The following IFT80 variants were observed in gnomAD, a reference collection of about 807,000 sequenced individuals.
The protein encoded by IFT80 is intraflagellar transport 80.
A neutral mutation model predicts 107.9 loss-of-function variants in IFT80; 79 were observed. The ratio of observed to expected loss-of-function variants is 0.73; its 90% confidence interval spans 0.61 to 0.88. The LOEUF is 0.88. Ranked by LOEUF, IFT80 falls within the 40% of genes least tolerant of loss-of-function variation. The probability of loss-of-function intolerance (pLI) is 0.00; values close to 1 mark genes in which losing one functional copy is unlikely to be tolerated. For synonymous variants in IFT80, 299 were observed against 300.9 expected, an observed-to-expected ratio of 0.99 and a Z score of 0.07; for missense variants, 797 against 914.2, an observed-to-expected ratio of 0.87 and a Z score of 1.65.
At chr3:160,342,447 A>T (rs1263851047) in intron 8 of IFT80, among the ~76,000 whole-genome samples, 1 of 152,202 alleles carries the variant, frequency 6.6e-6, no homozygotes, top group Non-Finnish European at 1.5e-5. Flanking sequence ...TATTCTGTCA[A>T]ATTGCTTAGG....
chr3:160,258,469 T>C lies in IFT80; in HGVS notation c.*56A>G. On this transcript the variant is annotated 3_prime_UTR_variant, in exon 20 of 20. Transcript: ENST00000326448. ...TTTAGCAACCAAAACATGCTTACCC[T>C]TGGTTAATCAGAACGTGTTTCAAAA... 6.2e-7 allele frequency: 1 copy of C among 1,610,000 alleles called. No individual in the cohort carries two copies. The highest frequency in any genetic ancestry group is 8.5e-7 in the Non-Finnish European group (1 of 1,178,284).
chr3:160,306,914 T>C (rs1716869786), intron 10 of IFT80, among the ~76,000 whole-genome samples: 1 of 152,224 alleles, frequency 6.6e-6, no homozygotes, highest in Non-Finnish European at 1.5e-5. Context: ...CAGTGGTGAA[T>C]GAGACACATA....
rs191590170 is a variant in IFT80 at position 160,372,272 on chromosome 3, T to A, written c.439+3540A>T. On this transcript the variant is annotated intron_variant, in intron 5 of 19. Coordinates refer to ENST00000326448, the MANE Select transcript of IFT80 (RefSeq NM_020800.3). ...ATTATTTCATTTTTGTGTCAAAATT[T>A]AGTTTCTCCCTTCAAAGGAGGCAGT... Among the ~76,000 whole-genome samples, 308 of 152,346 alleles carry A rather than the reference T, an allele frequency of 2.0e-3. 3 individuals carry two copies. The highest frequency in any genetic ancestry group is 2.8e-3 in the Non-Finnish European group (193 of 68,026).
chr3:160,323,646 T>C, intron 8 of IFT80, among the ~76,000 whole-genome samples: 1 of 151,940 alleles, frequency 6.6e-6, no homozygotes, highest in East Asian at 1.9e-4. Context: ...GAGGGAAATT[T>C]ATAGCACTAA....
rs113490599 is a variant in IFT80 at position 160,347,629 on chromosome 3, C to G, written c.777+8384G>C. On this transcript the variant is annotated intron_variant, in intron 8 of 19. Transcript: ENST00000326448. The stretch of plus-strand genomic sequence containing the variant: ...AGCCATACATTCAAAGACATGGGTA[C>G]ACAATTTTACTTACGTGAGATCATA... Among the ~76,000 whole-genome samples the G allele has an allele frequency of 1.7e-3, 261 of 152,282 alleles. 1 individual carries two copies. Among genetic ancestry groups the G allele is most frequent in the African/African-American group, 5.8e-3 (241 of 41,564 alleles).
chr3:160,362,711 A>G (rs1721583228), intron 6 of IFT80, among the ~76,000 whole-genome samples: 1 of 151,996 alleles, frequency 6.6e-6, no homozygotes, highest in Non-Finnish European at 1.5e-5. Context: ...CAAGGGATTC[A>G]ACATACGCAA....
chr3:160,364,623 CT>C (rs1721733532), intron 6 of IFT80, among the ~76,000 whole-genome samples: 2 of 152,106 alleles, frequency 1.3e-5, no homozygotes, highest in African/African-American at 4.8e-5. Flanking sequence ...CAGTGATGGA[CT>C]GGATTAAGAA....
At chr3:160,350,482 G>A (rs1399510308) in intron 8 of IFT80, among the ~76,000 whole-genome samples, 2 of 149,954 alleles carry the variant, frequency 1.3e-5, no homozygotes, top group Non-Finnish European at 3.0e-5. Context: ...AATGCTCATA[G>A]CATTTATATC....
At chr3:160,270,673 G>A (rs746688479) in intron 18 of IFT80, among the ~76,000 whole-genome samples, 9 of 152,172 alleles carry the variant, frequency 5.9e-5, no homozygotes, top group African/African-American at 1.4e-4. Flanking sequence ...AGCAATTCAC[G>A]GAGGCTCAAA....
chr3:160,269,523 ATATTT>A (rs747103691), intron 18 of IFT80, among the ~76,000 whole-genome samples: 6 of 152,210 alleles, frequency 3.9e-5, no homozygotes, highest in African/African-American at 7.2e-5. Flanking sequence ...TTTTAAAGTA[ATATTT>A]TATTTAAATG....
At chr3:160,293,430 A>G (rs573060244) in intron 12 of IFT80, among the ~76,000 whole-genome samples, 1 of 152,254 alleles carries the variant, frequency 6.6e-6, no homozygotes, top group African/African-American at 2.4e-5. Flanking sequence ...TATAATACTG[A>G]TAGTACTGGG....
At chr3:160,272,261 CAG>C (rs891236365) in intron 18 of IFT80, among the ~76,000 whole-genome samples, 3 of 151,902 alleles carry the variant, frequency 2.0e-5, no homozygotes, top group African/African-American at 7.3e-5. Context: ...ATGAGTGAAA[CAG>C]AGAAATAAGA....
chr3:160,375,726 G>A (rs185170342), intron 5 of IFT80, 86 bp downstream of exon 5: 216 of 857,256 alleles, frequency 2.5e-4, no homozygotes, highest in East Asian at 7.8e-4. Context: ...CTCAACCACC[G>A]TATTAGATTG....
chr3:160,381,455 A>G (rs1712511734), intron 3 of IFT80, 48 bp downstream of exon 3: 1 of 1,348,444 alleles, frequency 7.4e-7, no homozygotes, highest in South Asian at 1.2e-5. Context: ...CATACTATTA[A>G]GTCTTTTAAA....
At chr3:160,386,784 T>A (rs563585113) in intron 1 of IFT80, among the ~76,000 whole-genome samples, 9 of 152,306 alleles carry the variant, frequency 5.9e-5, no homozygotes, top group African/African-American at 1.2e-4. Flanking sequence ...GTAATTCTTT[T>A]AAAGCTAAGT....
chr3:160,309,101 A>G (rs966303985), intron 9 of IFT80, among the ~76,000 whole-genome samples: 1 of 152,218 alleles, frequency 6.6e-6, no homozygotes, highest in African/African-American at 2.4e-5. Context: ...AACAGAATAA[A>G]CAGGTATGTT....
intron 8 of IFT80, among the ~76,000 whole-genome samples, chr3:160,341,283 A>G (rs545041477): frequency 2.0e-5 from 3 of 152,006 alleles, no homozygotes; most frequent in East Asian, 3.9e-4. Flanking sequence ...AAGTCTTACC[A>G]CTTTTTAAAC....
At position 160,315,349 on chromosome 3, in the gene IFT80, C is replaced by T. The variant is rs968630590; in HGVS notation, c.957+4411G>A. The stretch of plus-strand genomic sequence containing the variant: ...TTTCTCCCATACCTGTGAAGATAAG[C>T]TGTTAATTTACATTGTTAGGGTGAA... On this transcript the variant is annotated intron_variant, in intron 9 of 19. Transcript: ENST00000326448. Among the ~76,000 whole-genome samples the T allele has an allele frequency of 5.3e-5, 8 of 152,240 alleles. No homozygotes were observed. In the East Asian group the frequency reaches 1.5e-3, roughly 29 times the overall value.
rs1445699892 is a variant in IFT80 at position 160,258,519 on chromosome 3, T to C, written c.*6A>G. ...AGATAAAATTTCTTAAAGATACGCA[T>C]GGCATTTAGGGCTTTAAACCTATAC... On this transcript the variant is annotated 3_prime_UTR_variant, in exon 20 of 20. Coordinates refer to ENST00000326448, the MANE Select transcript of IFT80 (RefSeq NM_020800.3). The C allele has an allele frequency of 6.2e-7, 1 of 1,613,610 alleles. No individual in the cohort carries two copies. Among genetic ancestry groups the C allele is most frequent in the East Asian group, 2.2e-5 (1 of 44,852 alleles).
Sources: allele counts gnomAD v4.1 joint callset (sites outside exome capture counted in the v4.1 genomes callset), GRCh38; gene constraint gnomAD v4.1.1; transcripts MANE v1.5; gene names NCBI Gene and HGNC (gene_info 2026-07-23, HGNC 2026-07-21).